The following MAML2 variants were observed in gnomAD, a reference collection of about 807,000 sequenced individuals.
The protein encoded by MAML2 is mastermind like transcriptional coactivator 2, also known as mastermind-like protein 2.
A neutral mutation model predicts 96.1 loss-of-function variants in MAML2; 22 were observed. The observed-to-expected ratio is 0.23, with a 90% CI of 0.16 to 0.33. The LOEUF (loss-of-function observed/expected upper bound fraction) is 0.33, where lower values mean the gene tolerates loss of function less well. Among genes scored for constraint, MAML2 ranks in the 10% least tolerant of loss-of-function variants. The pLI, the probability that MAML2 is intolerant of heterozygous loss-of-function variation, is 1.00. For synonymous variants in MAML2, 561 were observed against 521.3 expected (o/e 1.08, Z -1.04); for missense variants, 1,367 against 1,392.4 (o/e 0.98, Z 0.29).
At chr11:96,086,948 T>C (rs1331961064) in intron 2 of MAML2, among the ~76,000 whole-genome samples, 3 of 152,144 alleles carry the variant, frequency 2.0e-5, no homozygotes, top group African/African-American at 7.2e-5. Context: ...ATTTCAAACA[T>C]ATATCATAAA....
chr11:96,226,318 A>G (rs911095423), intron 1 of MAML2, among the ~76,000 whole-genome samples: 7 of 152,240 alleles, frequency 4.6e-5, no homozygotes, highest in Admixed American at 1.3e-4. Context: ...TCAGGCTTTG[A>G]AACTAAAGAC....
At chr11:96,140,772 C>T (rs183561886) in intron 1 of MAML2, among the ~76,000 whole-genome samples, 1 of 152,236 alleles carries the variant, frequency 6.6e-6, no homozygotes, top group African/African-American at 2.4e-5. Flanking sequence ...CCTCTAGAGC[C>T]CACCAGTCTG....
chr11:96,194,748 CT>C (rs1352270290), intron 1 of MAML2, among the ~76,000 whole-genome samples: 1 of 152,126 alleles, frequency 6.6e-6, no homozygotes, highest in Non-Finnish European at 1.5e-5. Flanking sequence ...CCACTGGCTC[CT>C]TTCCCTTTCT....
chr11:96,099,887 G>A (rs1026625016), intron 1 of MAML2, among the ~76,000 whole-genome samples: 33 of 152,102 alleles, frequency 2.2e-4, no homozygotes, highest in African/African-American at 6.8e-4. Flanking sequence ...CAATCCTCCT[G>A]CTTCAGCCTC....
At chr11:96,024,735 G>A (rs889247294) in intron 2 of MAML2, among the ~76,000 whole-genome samples, 5 of 152,070 alleles carry the variant, frequency 3.3e-5, no homozygotes, top group Non-Finnish European at 5.9e-5. Context: ...AGAACTTCTC[G>A]GAACGGTTCT....
At chr11:96,083,384 T>C (rs918681839) in intron 2 of MAML2, among the ~76,000 whole-genome samples, 3 of 152,218 alleles carry the variant, frequency 2.0e-5, no homozygotes, top group Non-Finnish European at 2.9e-5. Context: ...CTTACTTTAC[T>C]TTTATCCGTA....
At chr11:96,080,743 C>T (rs1312985854) in intron 2 of MAML2, among the ~76,000 whole-genome samples, 6 of 152,106 alleles carry the variant, frequency 3.9e-5, no homozygotes, top group African/African-American at 7.2e-5. Context: ...ATTGTTTTTT[C>T]TTCATGGTGA....
At chr11:96,029,051 C>T (rs1164663046) in intron 2 of MAML2, among the ~76,000 whole-genome samples, 1 of 152,130 alleles carries the variant, frequency 6.6e-6, no homozygotes, top group Non-Finnish European at 1.5e-5. Flanking sequence ...ATCTTCTAAA[C>T]ATTTTGAACT....
chr11:96,310,487 T>G lies in MAML2; in HGVS notation c.513+30896A>C, dbSNP rs559253699. Among the ~76,000 whole-genome samples, 5 of 152,308 alleles carry G rather than the reference T, an allele frequency of 3.3e-5. No individual in the cohort carries two copies. In the South Asian group the frequency reaches 1.0e-3, roughly 32 times the overall value. On this transcript the variant is annotated intron_variant, in intron 1 of 4. Coordinates refer to ENST00000524717, the MANE Select transcript of MAML2 (RefSeq NM_032427.4). ...AAGTTACCACATTGCTGCATATGAGTTGAAACATTTCAGTACATAAAAGAA... is the reference window on the plus strand; with the variant it reads ...AAGTTACCACATTGCTGCATATGAGGTGAAACATTTCAGTACATAAAAGAA...
chr11:96,174,336 C>T (rs549899344), intron 1 of MAML2, among the ~76,000 whole-genome samples: 18 of 152,150 alleles, frequency 1.2e-4, no homozygotes, highest in Non-Finnish European at 2.2e-4. Context: ...ATGGTGATTT[C>T]CCTCATCTGA....
chr11:96,009,845 T>C (rs1343596599), intron 2 of MAML2, among the ~76,000 whole-genome samples: 1 of 152,210 alleles, frequency 6.6e-6, no homozygotes, highest in African/African-American at 2.4e-5. Context: ...CTAGAAATAT[T>C]GCCCAAGGAC....
chr11:96,086,992 A>G (rs912441571), intron 2 of MAML2, among the ~76,000 whole-genome samples: 1 of 152,194 alleles, frequency 6.6e-6, no homozygotes, highest in African/African-American at 2.4e-5. Context: ...AACCACCTCT[A>G]CCTATTTCCT....
intron 1 of MAML2, among the ~76,000 whole-genome samples, chr11:96,300,634 A>G (rs1391684114): frequency 6.6e-6 from 1 of 152,200 alleles, no homozygotes; most frequent in African/African-American, 2.4e-5. Flanking sequence ...TTTATTTACA[A>G]TGGAAAAGAG....
chr11:96,136,368 C>T (rs1860632614), intron 1 of MAML2, among the ~76,000 whole-genome samples: 1 of 152,008 alleles, frequency 6.6e-6, no homozygotes, highest in Non-Finnish European at 1.5e-5. Context: ...ATTAAGATAA[C>T]AACTGACAAG....
intron 1 of MAML2, among the ~76,000 whole-genome samples, chr11:96,137,952 C>G (rs939171386): frequency 5.3e-5 from 8 of 152,100 alleles, no homozygotes; most frequent in Non-Finnish European, 1.5e-5. Context: ...ATTCCTGTAT[C>G]CATCAAGAAC....
intron 1 of MAML2, among the ~76,000 whole-genome samples, chr11:96,159,016 G>A (rs1861055482): frequency 6.6e-6 from 1 of 152,186 alleles, no homozygotes; most frequent in Non-Finnish European, 1.5e-5. Flanking sequence ...TTATGATACA[G>A]ATTTGGAAAA....
chr11:96,051,726 G>T (rs574197674), intron 2 of MAML2, among the ~76,000 whole-genome samples: 1 of 152,170 alleles, frequency 6.6e-6, no homozygotes, highest in African/African-American at 2.4e-5. Flanking sequence ...ATTAATTTGC[G>T]TTAACAAGCA....
At chr11:96,192,137 G>C (rs548896386) in intron 1 of MAML2, among the ~76,000 whole-genome samples, 1 of 152,216 alleles carries the variant, frequency 6.6e-6, no homozygotes, top group Non-Finnish European at 1.5e-5. Flanking sequence ...GTCAAGTGAG[G>C]GTGAGCTTTC....
chr11:96,228,873 C>T (rs532089115), intron 1 of MAML2, among the ~76,000 whole-genome samples: 1 of 152,118 alleles, frequency 6.6e-6, no homozygotes, highest in African/African-American at 2.4e-5. Flanking sequence ...CTAGGCTCTC[C>T]TTTACATATC....
Sources: allele counts gnomAD v4.1 joint callset (sites outside exome capture counted in the v4.1 genomes callset), GRCh38; gene constraint gnomAD v4.1.1; transcripts MANE v1.5; gene names NCBI Gene and HGNC (gene_info 2026-07-23, HGNC 2026-07-21).